The following ELFN1 variants were observed in gnomAD, a reference collection of about 807,000 sequenced individuals.
The protein encoded by ELFN1 is extracellular leucine rich repeat and fibronectin type III domain containing 1.
A neutral mutation model predicts 7.6 loss-of-function variants in ELFN1; 6 were observed. The ratio of observed to expected loss-of-function variants is 0.79; its 90% confidence interval spans 0.43 to 1.56. The LOEUF (loss-of-function observed/expected upper bound fraction) is 1.56. Among genes scored for constraint, ELFN1 ranks in the 40% most tolerant of loss-of-function variants. The probability of loss-of-function intolerance (pLI) is 0.01; values close to 1 mark genes in which losing one functional copy is unlikely to be tolerated. For missense variants in ELFN1, 1,169 were observed against 1,232.2 expected (o/e 0.95, Z 0.77); for synonymous variants, 657 against 588.1 (o/e 1.12, Z -1.70).
At chr7:1,667,274 G>A (rs555473634), upstream of ELFN1, among the ~76,000 whole-genome samples, 1 of 152,104 alleles carries the variant, frequency 6.6e-6, no homozygotes, top group Non-Finnish European at 1.5e-5. This position sits in a 1 kb window ranked among gnomAD's most constrained non-coding sequence, Gnocchi z 8.2. Flanking sequence ...GCTGCCCAGG[G>A]AGGAGCAGGG....
At position 1,747,121 on chromosome 7, in the gene ELFN1, G is replaced by A; in HGVS notation, c.*38G>A. On this transcript the variant is annotated 3_prime_UTR_variant, in exon 4 of 4. Coordinates refer to ENST00000424383, the MANE Select transcript of ELFN1 (RefSeq NM_001128636.4). ...CGGCGATGCCCACTGGACCAAAAAGGATGCAGGATCCACCCAGAGACTCAG... is the reference window on the plus strand; with the variant it reads ...CGGCGATGCCCACTGGACCAAAAAGAATGCAGGATCCACCCAGAGACTCAG... 1 of 1,434,142 alleles carries A rather than the reference G, an allele frequency of 7.0e-7. No individual in the cohort carries two copies. The highest frequency in any genetic ancestry group is 9.2e-7 in the Non-Finnish European group (1 of 1,088,448). 88.8% of individuals were successfully genotyped at this position (1,434,142 alleles called of 1,614,324 possible). A position where few individuals can be genotyped will look rare whatever the true frequency, so the allele number is the denominator to read the frequency against.
intron 3 of ELFN1, among the ~76,000 whole-genome samples, chr7:1,711,575 T>A (rs56391379): frequency 2.6e-3 from 228 of 87,530 alleles, no homozygotes; most frequent in African/African-American, 3.3e-3. Flanking sequence ...AGCGAGAGAG[T>A]GAGAGAGAGA....
chr7:1,702,228 T>C (rs1779442007), intron 2 of ELFN1, among the ~76,000 whole-genome samples: 1 of 152,084 alleles, frequency 6.6e-6, no homozygotes. Flanking sequence ...ATTGAGACCA[T>C]CCTGGCTAAC....
intron 3 of ELFN1, among the ~76,000 whole-genome samples, chr7:1,715,317 G>A (rs971933129): frequency 6.6e-6 from 1 of 152,172 alleles, no homozygotes; most frequent in African/African-American, 2.4e-5. Flanking sequence ...ACGGCCCACT[G>A]TGGGGCATCC....
intron 3 of ELFN1, among the ~76,000 whole-genome samples, chr7:1,718,745 C>G (rs548779612): frequency 1.3e-5 from 2 of 152,232 alleles, no homozygotes; most frequent in East Asian, 1.9e-4. Flanking sequence ...TGGAGCCACT[C>G]TAGGACTCCA....
intron 3 of ELFN1, among the ~76,000 whole-genome samples, chr7:1,738,252 C>G (rs1780506273): frequency 6.6e-6 from 1 of 152,182 alleles, no homozygotes; most frequent in Non-Finnish European, 1.5e-5. Context: ...GGAGGCCTCT[C>G]TCCATCTGGG....
intron 3 of ELFN1, among the ~76,000 whole-genome samples, chr7:1,709,979 A>C (rs1237831516): frequency 6.6e-6 from 1 of 152,108 alleles, no homozygotes; most frequent in African/African-American, 2.4e-5. Context: ...TGGGACTCCA[A>C]CTCAGCAGTT....
At chr7:1,709,741 A>G (rs1779611869) in intron 3 of ELFN1, among the ~76,000 whole-genome samples, 1 of 152,256 alleles carries the variant, frequency 6.6e-6, no homozygotes, top group African/African-American at 2.4e-5. Flanking sequence ...AAAAATATAT[A>G]CAAATGTTGA....
chr7:1,746,797 C>T lies in ELFN1; in HGVS notation c.2201C>T (p.Ala734Val), dbSNP rs1317438957. 166 of 1,530,470 alleles carry T rather than the reference C, an allele frequency of 1.1e-4. No individual in the cohort carries two copies. The highest frequency in any genetic ancestry group is 1.7e-4 in the Middle Eastern group (1 of 5,980). The allele number at this position is 1,530,470 out of a possible 1,614,324, so 94.8% of individuals were successfully genotyped here. ...CCGCACGAGGGCCTGGGGCGCAAGGCGTCCATCCTGGAGCCACTCACCCGG... is the reference window on the plus strand; with the variant it reads ...CCGCACGAGGGCCTGGGGCGCAAGGTGTCCATCCTGGAGCCACTCACCCGG... ...PPPHEGLGRK[A>V]SILEPLTRPR... Residue 734 changes from alanine to valine, a missense_variant, in exon 4 of 4, where the codon GCG (alanine) becomes GTG (valine). Transcript: ENST00000424383.
At chr7:1,668,690 C>T (rs770404357), upstream of ELFN1, among the ~76,000 whole-genome samples, 10 of 152,236 alleles carry the variant, frequency 6.6e-5, no homozygotes, top group African/African-American at 9.6e-5. Flanking sequence ...GGCCTCGTTC[C>T]ACAGGCCCAG....
Position 1,747,313 on chromosome 7 carries a change from C to CACACACACAG in ELFN1, c.*239_*240insGACACACACA, listed in dbSNP as rs1554257030. 7.2e-6 allele frequency: 2 copies of CACACACACAG among 277,938 alleles called. No homozygotes were observed. The highest frequency in any genetic ancestry group is 6.5e-5 in the East Asian group (1 of 15,422). 17.2% of individuals were successfully genotyped at this position (277,938 alleles called of 1,614,324 possible). A position where few individuals can be genotyped will look rare whatever the true frequency, so the allele number is the denominator to read the frequency against. ...CGGGTGGCACGTGTCCACACACACA[C>CACACACACAG]ACACACACACACACACACACACGAG... On this transcript the variant is annotated 3_prime_UTR_variant, in exon 4 of 4. Transcript: ENST00000424383.
chr7:1,746,961 G>C lies in ELFN1; in HGVS notation c.2365G>C (p.Glu789Gln). Reference protein sequence around the residue: ...RFRLSRRRHKEEEEFMAAGHA... With the variant: ...RFRLSRRRHKQEEEFMAAGHA... ...CAGACTGAGCCGCCGGCGGCACAAG[G>C]AGGAAGAGGAGTTCATGGCCGCGGG... Residue 789 changes from glutamate (E) to glutamine (Q), a missense_variant, in exon 4 of 4, where the codon GAG becomes CAG. Glu to Gln is a conservative substitution (Grantham distance 29, BLOSUM62 2). Around this residue, in one of 2 missense-constraint regions of ELFN1, gnomAD observed 914 missense variants for 872.6 expected, o/e 1.05. Coordinates refer to ENST00000424383, the MANE Select transcript of ELFN1 (RefSeq NM_001128636.4). 1 of 1,553,654 alleles carries C rather than the reference G, an allele frequency of 6.4e-7. No individual in the cohort carries two copies. The highest frequency in any genetic ancestry group is 8.7e-7 in the Non-Finnish European group (1 of 1,149,120).
At chr7:1,682,671 C>T (rs1003114989) in intron 1 of ELFN1, among the ~76,000 whole-genome samples, 2 of 150,174 alleles carry the variant, frequency 1.3e-5, no homozygotes, top group Non-Finnish European at 2.9e-5. Context: ...TCTTGAACTC[C>T]TCTCCTCAAA....
At chr7:1,693,118 G>A (rs1779208192) in intron 2 of ELFN1, 2 of 346,360 alleles carry the variant, frequency 5.8e-6, no homozygotes, top group South Asian at 2.2e-5. Context: ...CTTAAGGGGT[G>A]CAGGCCCCCA....
In ELFN1 at chr7:1,746,225, G is replaced by A; in HGVS notation, c.1629G>A (p.Arg543=). Reference sequence around the variant, plus strand: ...AACGCAGGGACTGTGAGCTGGGCCGGCCGGGCCCCGACAGCCAGAGTTCGG... The same window carrying A: ...AACGCAGGGACTGTGAGCTGGGCCGACCGGGCCCCGACAGCCAGAGTTCGG... ...PPERRDCELG[R]PGPDSQSSVA... The change falls in exon 4 of 4, where the codon CGG becomes CGA. Residue 543 remains arginine, a synonymous_variant. Transcript: ENST00000424383. The A allele has an allele frequency of 1.3e-6, 2 of 1,560,286 alleles. No individual in the cohort carries two copies. The highest frequency in any genetic ancestry group is 1.7e-6 in the Non-Finnish European group (2 of 1,154,226).
chr7:1,690,227 AATGG>A (rs992582954), intron 2 of ELFN1, among the ~76,000 whole-genome samples: 1 of 150,070 alleles, frequency 6.7e-6, no homozygotes, highest in African/African-American at 2.5e-5. Flanking sequence ...TTGATGGGTG[AATGG>A]ATGGAAGAAA....
chr7:1,669,903 G>C (rs982364300), upstream of ELFN1, among the ~76,000 whole-genome samples: 1 of 85,012 alleles, frequency 1.2e-5, no homozygotes, highest in Admixed American at 1.5e-4. Context: ...TTTTAGATGT[G>C]GGCGGGGAGG....
At position 1,706,428 on chromosome 7, in the gene ELFN1, A is replaced by G. The variant is rs962124526; in HGVS notation, c.-455-2663A>G. 6.2e-4 allele frequency among the ~76,000 whole-genome samples: 48 copies of G among 77,822 alleles called. 1 individual carries two copies. Among genetic ancestry groups the G allele is most frequent in the Non-Finnish European group, 1.0e-3 (44 of 42,712 alleles). 51.1% of individuals were successfully genotyped at this position (77,822 alleles called of 152,430 possible). A position where few individuals can be genotyped will look rare whatever the true frequency, so the allele number is the denominator to read the frequency against. The stretch of plus-strand genomic sequence containing the variant: ...CAGAGTGAGACTCTGTCTCAAAAAA[A>G]CAAAACAAAACAAAACAAAACAAAA... On this transcript the variant is annotated intron_variant, in intron 2 of 3. Coordinates refer to ENST00000424383, the MANE Select transcript of ELFN1 (RefSeq NM_001128636.4).
rs1780414710 is a variant in ELFN1 at position 1,735,272 on chromosome 7, GCC to G, written c.-293-9030_-293-9029del. 2.6e-5 allele frequency among the ~76,000 whole-genome samples: 4 copies of G among 152,286 alleles called. 1 individual carries two copies. The South Asian group carries it at 8.3e-4, about 32-fold the overall frequency. ...TGCTCTTGGGGGCAGGGCAGGGGGAGCCCTGCAGCTTCCATGAGTCGTGTGGA... is the reference window on the plus strand; with the variant it reads ...TGCTCTTGGGGGCAGGGCAGGGGGAGCTGCAGCTTCCATGAGTCGTGTGGA... On this transcript the variant is annotated intron_variant, in intron 3 of 3. Coordinates refer to ENST00000424383, the MANE Select transcript of ELFN1 (RefSeq NM_001128636.4). The surrounding 1 kb of genome is among the most constrained non-coding windows in gnomAD (Gnocchi z 5.9).
Sources: allele counts gnomAD v4.1 joint callset (sites outside exome capture counted in the v4.1 genomes callset), GRCh38; gene constraint gnomAD v4.1.1; regional missense constraint gnomAD v4.1.1; non-coding constraint Gnocchi (gnomAD v3.1); transcripts MANE v1.5; gene names NCBI Gene and HGNC (gene_info 2026-07-23, HGNC 2026-07-21).